The following NEBL variants were observed in gnomAD, a reference collection of about 807,000 sequenced individuals.
NEBL encodes the protein nebulette.
A neutral mutation model predicts 140.2 loss-of-function variants in NEBL; 122 were observed. That is an observed-to-expected ratio of 0.87 (90% confidence interval 0.75 to 1.01). NEBL has a LOEUF of 1.01. Ranked by LOEUF, NEBL falls within the 50% of genes least tolerant of loss-of-function variation. The probability of loss-of-function intolerance (pLI) is 0.00; values close to 1 mark genes in which losing one functional copy is unlikely to be tolerated. For synonymous variants in NEBL, 436 were observed against 398.9 expected (o/e 1.09, Z -1.11); for missense variants, 1,365 against 1,231.3 (o/e 1.11, Z -1.62).
intron 2 of NEBL, among the ~76,000 whole-genome samples, chr10:21,168,010 G>C (rs1840862626): frequency 6.6e-6 from 1 of 152,010 alleles, no homozygotes; most frequent in Non-Finnish European, 1.5e-5. Context: ...AGCAAAATGG[G>C]TATTACGCCC....
chr10:20,941,320 C>A (rs1834851094), intron 4 of NEBL, among the ~76,000 whole-genome samples: 1 of 152,138 alleles, frequency 6.6e-6, no homozygotes, highest in African/African-American at 2.4e-5. Context: ...ATAAACAGAA[C>A]CAAAGACAAA....
In NEBL at chr10:21,039,637, T is replaced by C. The variant is rs11813989; in HGVS notation, c.165-19436A>G. ...CCACTGAACATAACTTAAAATGGTG[T>C]TTTTAAAACTTTGATTGGAGCCCAC... On this transcript the variant is annotated intron_variant, in intron 2 of 6. Transcript: ENST00000417816. Among the ~76,000 whole-genome samples, 1,103 of 152,282 alleles carry C rather than the reference T, an allele frequency of 7.2e-3. 10 individuals carry two copies. Among genetic ancestry groups the C allele is most frequent in the African/African-American group, 0.019 (789 of 41,552 alleles).
chr10:21,133,139 G>T (rs118001445), intron 2 of NEBL, among the ~76,000 whole-genome samples: 2 of 152,078 alleles, frequency 1.3e-5, no homozygotes, highest in African/African-American at 4.8e-5. Context: ...AGTTAATTTT[G>T]TATGTGTGTG....
intron 4 of NEBL, among the ~76,000 whole-genome samples, chr10:20,902,594 C>T (rs531132772): frequency 1.9e-4 from 29 of 152,206 alleles, no homozygotes; most frequent in Admixed American, 1.0e-3. Flanking sequence ...CAAATTAAAA[C>T]GATGTACTCT....
At chr10:20,937,434 T>C (rs1332767459) in intron 4 of NEBL, among the ~76,000 whole-genome samples, 2 of 152,124 alleles carry the variant, frequency 1.3e-5, no homozygotes, top group African/African-American at 4.8e-5. Context: ...AACAGGTCAC[T>C]TCAAAAGTTG....
intron 2 of NEBL, among the ~76,000 whole-genome samples, chr10:21,115,445 C>T (rs1317894862): frequency 1.3e-5 from 2 of 152,106 alleles, no homozygotes; most frequent in African/African-American, 4.8e-5. Context: ...CAGCTGGTGA[C>T]AAATTCTTTC....
intron 2 of NEBL, among the ~76,000 whole-genome samples, chr10:21,155,393 T>C (rs540293127): frequency 6.6e-6 from 1 of 152,164 alleles, no homozygotes. Flanking sequence ...AACTATTTTT[T>C]TGGTACCCAT....
rs761169055 is a variant in NEBL, at chr10:20,835,595, A to G, written c.1367T>C (p.Ile456Thr). 8 of 1,611,394 alleles carry G rather than the reference A, an allele frequency of 5.0e-6. No homozygotes were observed. In the South Asian group the frequency reaches 5.5e-5, roughly 11 times the overall value. ...AGCTTGCATTCCTTTCCCTTTAATTATTGACTCCAGGTCTTTCTTGTATTC... is the reference window on the plus strand; with the variant it reads ...AGCTTGCATTCCTTTCCCTTTAATTGTTGACTCCAGGTCTTTCTTGTATTC... ...EKEYKKDLES[I>T]IKGKGMQAGT... Residue 456 changes from isoleucine (I) to threonine (T), a missense_variant, in exon 14 of 28, where the codon ATA becomes ACA. Ile to Thr is a moderately conservative substitution (Grantham distance 89). Coordinates refer to ENST00000377122, the MANE Select transcript of NEBL (RefSeq NM_006393.3).
chr10:20,946,544 C>T (rs1835169940), intron 4 of NEBL, among the ~76,000 whole-genome samples: 2 of 152,136 alleles, frequency 1.3e-5, no homozygotes, highest in Admixed American at 6.5e-5. Context: ...TCACTGCAAC[C>T]TCTGCTTCCT....
chr10:21,024,954 C>T (rs1403941271), intron 2 of NEBL, among the ~76,000 whole-genome samples: 2 of 152,110 alleles, frequency 1.3e-5, no homozygotes, highest in Non-Finnish European at 1.5e-5. Context: ...ATTCTAAAGC[C>T]CTTTCCAAAC....
intron 3 of NEBL, among the ~76,000 whole-genome samples, chr10:21,180,384 T>C (rs1841368280): frequency 2.0e-5 from 3 of 152,228 alleles, no homozygotes; most frequent in African/African-American, 7.2e-5. Flanking sequence ...TGATTCCTTC[T>C]CGTTGTTGTC....
chr10:20,963,594 T>G (rs1285814572), intron 3 of NEBL, among the ~76,000 whole-genome samples: 1 of 152,198 alleles, frequency 6.6e-6, no homozygotes, highest in Non-Finnish European at 1.5e-5. Flanking sequence ...GGGTTCTCAC[T>G]ATGTTACCTA....
chr10:20,965,590 C>T (rs373407564), intron 3 of NEBL, among the ~76,000 whole-genome samples: 7 of 152,200 alleles, frequency 4.6e-5, no homozygotes, highest in South Asian at 2.1e-4. Flanking sequence ...GGGCTTTGCA[C>T]GCCCTGAGGA....
At chr10:21,047,184 T>C (rs1834558704) in intron 2 of NEBL, among the ~76,000 whole-genome samples, 3 of 152,196 alleles carry the variant, frequency 2.0e-5, no homozygotes, top group Admixed American at 2.0e-4. Context: ...TTAGTCACTT[T>C]TACTCAATCA....
chr10:21,245,563 C>T (rs1842505802), intron 3 of NEBL, among the ~76,000 whole-genome samples: 1 of 152,160 alleles, frequency 6.6e-6, no homozygotes, highest in South Asian at 2.1e-4. Context: ...ACACAGTCTG[C>T]CTCTGTCACC....
intron 4 of NEBL, among the ~76,000 whole-genome samples, chr10:20,951,323 A>G (rs1361333907): frequency 1.3e-5 from 2 of 152,068 alleles, no homozygotes; most frequent in Non-Finnish European, 2.9e-5. Context: ...TACAAAAGAG[A>G]AAAAGGCCAC....
At chr10:21,152,642 CA>C (rs962944771) in intron 2 of NEBL, among the ~76,000 whole-genome samples, 1 of 151,912 alleles carries the variant, frequency 6.6e-6, no homozygotes, top group African/African-American at 2.4e-5. Context: ...GACAAAATTT[CA>C]TCCAAACTTC....
At chr10:21,008,616 C>T (rs960666193) in intron 3 of NEBL, among the ~76,000 whole-genome samples, 7 of 152,018 alleles carry the variant, frequency 4.6e-5, no homozygotes, top group Non-Finnish European at 1.0e-4. Flanking sequence ...CTTACTCCTG[C>T]AAGAATGGCC....
chr10:20,917,474 T>G (rs11012390), intron 4 of NEBL, among the ~76,000 whole-genome samples: 12 of 151,986 alleles, frequency 7.9e-5, no homozygotes, highest in African/African-American at 2.9e-4. Context: ...AAGTTGAGAC[T>G]GTTCAGGGGA....
Sources: gnomAD v4.1 joint callset for allele counts (sites outside exome capture counted in the v4.1 genomes callset) on GRCh38, gnomAD v4.1.1 for gene constraint, MANE v1.5 for transcripts, NCBI Gene and HGNC (gene_info 2026-07-23, HGNC 2026-07-21) for gene names.